Variants in QRFPR observed in about 807,000 individuals in gnomAD.
QRFPR encodes pyroglutamylated RF-amide peptide receptor.
QRFPR carries 37 observed loss-of-function variants against 31.3 expected under a neutral mutation model. The ratio of observed to expected loss-of-function variants is 1.18; its 90% CI spans 0.91 to 1.56. The LOEUF is 1.56. Ranked by LOEUF, QRFPR falls within the 40% of genes most tolerant of loss-of-function variation. The probability of loss-of-function intolerance (pLI) is 0.00; values close to 1 mark genes in which losing one functional copy is unlikely to be tolerated. For missense variants in QRFPR, 542 were observed against 532.5 expected, an observed-to-expected ratio of 1.02 and a Z score of -0.18; for synonymous variants, 197 against 192.0, an observed-to-expected ratio of 1.03 and a Z score of -0.22.
intron 1 of QRFPR, among the ~76,000 whole-genome samples, chr4:121,356,983 G>A (rs570095922): frequency 2.6e-4 from 40 of 152,138 alleles, no homozygotes; most frequent in African/African-American, 6.5e-4. Flanking sequence ...CCAGGTTTCC[G>A]TTAGCAAAGA....
At chr4:121,338,226 A>G (rs1414174119) in intron 2 of QRFPR, among the ~76,000 whole-genome samples, 1 of 152,124 alleles carries the variant, frequency 6.6e-6, no homozygotes, top group Non-Finnish European at 1.5e-5. Flanking sequence ...TTAATCACAT[A>G]TAGTTATCTT....
intron 1 of QRFPR, among the ~76,000 whole-genome samples, chr4:121,347,695 T>C (rs1725681811): frequency 6.6e-6 from 1 of 152,192 alleles, no homozygotes; most frequent in Non-Finnish European, 1.5e-5. Context: ...TTTCGCATTC[T>C]TCTTTCTCCA....
chr4:121,330,377 G>T, intron 5 of QRFPR, 49 bp downstream of exon 5: 1 of 1,243,088 alleles, frequency 8.0e-7, no homozygotes, highest in Non-Finnish European at 1.2e-6. Flanking sequence ...GTCTATTCTA[G>T]CAGGAAATGA....
intron 1 of QRFPR, among the ~76,000 whole-genome samples, chr4:121,350,762 T>C (rs568768206): frequency 1.3e-5 from 2 of 152,240 alleles, no homozygotes; most frequent in Non-Finnish European, 2.9e-5. Flanking sequence ...ACTTTTCTTA[T>C]ATAAATATCA....
intron 1 of QRFPR, among the ~76,000 whole-genome samples, chr4:121,343,502 C>T (rs528141473): frequency 5.9e-5 from 9 of 152,232 alleles, no homozygotes; most frequent in South Asian, 2.1e-4. Flanking sequence ...TAGATGCCAA[C>T]GGTGGGAATT....
intron 1 of QRFPR, among the ~76,000 whole-genome samples, chr4:121,340,894 G>A (rs1725531159): frequency 6.6e-6 from 1 of 152,170 alleles, no homozygotes; most frequent in African/African-American, 2.4e-5. Context: ...AAAGCAATAT[G>A]ACTTTTGCTT....
intron 1 of QRFPR, among the ~76,000 whole-genome samples, chr4:121,355,770 T>C (rs1282247386): frequency 6.6e-6 from 1 of 152,062 alleles, no homozygotes; most frequent in Non-Finnish European, 1.5e-5. Flanking sequence ...CCATTTTTAT[T>C]TGTTTTAAGA....
chr4:121,343,229 T>A (rs569676380), intron 1 of QRFPR, among the ~76,000 whole-genome samples: 5 of 152,344 alleles, frequency 3.3e-5, no homozygotes, highest in African/African-American at 1.2e-4. Context: ...ATGGCTGGCT[T>A]CCGTTGAACT....
At chr4:121,356,226 T>C (rs1725867276) in intron 1 of QRFPR, among the ~76,000 whole-genome samples, 1 of 152,198 alleles carries the variant, frequency 6.6e-6, no homozygotes, top group South Asian at 2.1e-4. Flanking sequence ...AACATTTGTT[T>C]TATGTATCTG....
Position 121,371,192 on chromosome 4 carries a change from T to C in QRFPR, c.340+9116A>G, listed in dbSNP as rs78563602. Among the ~76,000 whole-genome samples, 635 of 152,350 alleles carry C rather than the reference T, an allele frequency of 4.2e-3. 35 individuals are homozygous for C. In the East Asian group the frequency reaches 0.11, roughly 27 times the overall value. On this transcript the variant is annotated intron_variant, in intron 1 of 5. Coordinates refer to ENST00000394427, the MANE Select transcript of QRFPR (RefSeq NM_198179.3). ...TACCCTGAATAGCCTACAATCTCTC[T>C]GATATGACAGTAAATGTGTTTCTCC...
At chr4:121,329,814 C>G in intron 5 of QRFPR, 100 bp from the exon 6 acceptor site, 2 of 907,350 alleles carry the variant, frequency 2.2e-6, no homozygotes, top group Non-Finnish European at 3.2e-6. Flanking sequence ...GTACAAGTAT[C>G]TGAAGGTGTG....
intron 1 of QRFPR, among the ~76,000 whole-genome samples, chr4:121,344,005 A>G (rs1725597418): frequency 6.6e-6 from 1 of 152,236 alleles, no homozygotes; most frequent in South Asian, 2.1e-4. Flanking sequence ...GGACTGATGT[A>G]TTTCATAAAG....
chr4:121,369,846 G>C, intron 1 of QRFPR: 1 of 977,322 alleles, frequency 1.0e-6, no homozygotes, highest in Non-Finnish European at 1.7e-6. Flanking sequence ...GATGCAGGTG[G>C]CCTCTCTTCT....
chr4:121,349,718 A>T (rs950390308), intron 1 of QRFPR, among the ~76,000 whole-genome samples: 1 of 152,236 alleles, frequency 6.6e-6, no homozygotes, highest in Non-Finnish European at 1.5e-5. Flanking sequence ...CATTAAGTAT[A>T]ACTAAAACAT....
chr4:121,362,277 A>G (rs1017397893), intron 1 of QRFPR, among the ~76,000 whole-genome samples: 1 of 150,276 alleles, frequency 6.7e-6, no homozygotes, highest in African/African-American at 2.5e-5. Flanking sequence ...TAATAGAACA[A>G]TATGGCTGGT....
rs1358689514 is a variant in QRFPR, at chr4:121,330,457, T to C, written c.864A>G (p.Pro288=). 4 of 1,613,600 alleles carry C rather than the reference T, an allele frequency of 2.5e-6. No homozygotes were observed. Among genetic ancestry groups the C allele is most frequent in the Middle Eastern group, 1.6e-4 (1 of 6,084 alleles). ...CAATCATCATATGGACAACATGGAA[T>C]GGTGCCCAGCACACAGCAAAGAGAG... ...VVALFAVCWA[P]FHVVHMMIEY... is the part of the protein sequence containing the mutation. The change falls in exon 5 of 6, where the codon CCA becomes CCG. Residue 288 remains proline, a synonymous_variant. Transcript: ENST00000394427.
intron 1 of QRFPR, among the ~76,000 whole-genome samples, chr4:121,344,228 G>A (rs1725602055): frequency 6.6e-6 from 1 of 152,108 alleles, no homozygotes; most frequent in Non-Finnish European, 1.5e-5. Flanking sequence ...ATGTGCTCAG[G>A]TCCACACAGC....
chr4:121,340,887 G>A (rs1234913851), intron 1 of QRFPR, among the ~76,000 whole-genome samples: 1 of 152,152 alleles, frequency 6.6e-6, no homozygotes, highest in Non-Finnish European at 1.5e-5. Context: ...TGGAAAAAAA[G>A]CAATATGACT....
At chr4:121,370,099 G>T (rs1395411808) in intron 1 of QRFPR, 6 of 770,926 alleles carry the variant, frequency 7.8e-6, no homozygotes, top group African/African-American at 3.4e-5. Flanking sequence ...CGATGACAGG[G>T]ACTGGCAGGG....
Sources: gnomAD v4.1 joint callset for allele counts (sites outside exome capture counted in the v4.1 genomes callset) on GRCh38, gnomAD v4.1.1 for gene constraint, MANE v1.5 for transcripts, NCBI Gene and HGNC (gene_info 2026-07-23, HGNC 2026-07-21) for gene names.